The following RASA2 variants were observed in gnomAD, a reference collection of about 807,000 sequenced individuals.
The protein encoded by RASA2 is ras GTPase-activating protein 2.
Under a neutral mutation model 118.2 loss-of-function variants are expected in RASA2, and 155 were observed. The observed-to-expected ratio is 1.31, with a 90% CI of 1.15 to 1.50. The LOEUF is 1.50. Ranked by LOEUF, RASA2 falls within the 40% of genes most tolerant of loss-of-function variation. The pLI, the probability that RASA2 is intolerant of heterozygous loss-of-function variation, is 0.00. For missense variants in RASA2, 1,016 were observed against 1,009.6 expected (o/e 1.01, Z -0.09); for synonymous variants, 353 against 349.1 (o/e 1.01, Z -0.12).
chr3:141,603,853 G>GACTA (rs1321096083), intron 19 of RASA2, among the ~76,000 whole-genome samples: 1 of 152,242 alleles, frequency 6.6e-6, no homozygotes, highest in East Asian at 1.9e-4. Flanking sequence ...AGCCTTTTGT[G>GACTA]ACTAACATCT....
At chr3:141,499,016 T>C (rs2081741576) in intron 1 of RASA2, among the ~76,000 whole-genome samples, 1 of 152,204 alleles carries the variant, frequency 6.6e-6, no homozygotes, top group Non-Finnish European at 1.5e-5. Flanking sequence ...GCCCGCAACT[T>C]GGTGACGTAT....
chr3:141,553,924 C>G lies in RASA2; in HGVS notation c.595C>G (p.Leu199Val). Residue 199 changes from leucine to valine, a missense_variant, in exon 6 of 24, where the codon CTA (leucine) becomes GTA (valine). Physicochemically the swap from Leu to Val is conservative, Grantham distance 32. Coordinates refer to ENST00000286364, the MANE Select transcript of RASA2 (RefSeq NM_006506.5). ...CTGTGACCCTTATGCAACAGTTTCT[C>G]TAGTGGGCCCTTCTAGGTAATATTT... The part of the protein sequence containing the change: ...QSCDPYATVS[L>V]VGPSRNDQKK... The G allele has an allele frequency of 6.2e-7, 1 of 1,611,668 alleles. No individual in the cohort carries two copies. Among genetic ancestry groups the G allele is most frequent in the Non-Finnish European group, 8.5e-7 (1 of 1,178,658 alleles).
chr3:141,549,258 A>G (rs1256493979), intron 5 of RASA2, among the ~76,000 whole-genome samples: 1 of 152,006 alleles, frequency 6.6e-6, no homozygotes, highest in Non-Finnish European at 1.5e-5. Context: ...TCCTTCAGTT[A>G]TGCCTTCTTT....
At chr3:141,510,034 A>G (rs536518623) in intron 1 of RASA2, among the ~76,000 whole-genome samples, 1 of 152,258 alleles carries the variant, frequency 6.6e-6, no homozygotes, top group South Asian at 2.1e-4. Context: ...TCTTATTTCA[A>G]TTTTATAAAT....
At chr3:141,576,780 G>T (rs1288117038) in intron 14 of RASA2, among the ~76,000 whole-genome samples, 1 of 151,966 alleles carries the variant, frequency 6.6e-6, no homozygotes, top group Non-Finnish European at 1.5e-5. Context: ...TAGCAGCTTT[G>T]TCTTTTTTCA....
chr3:141,513,914 G>A (rs79590077), intron 2 of RASA2, among the ~76,000 whole-genome samples: 4,682 of 152,104 alleles, frequency 0.031, 238 homozygotes, highest in African/African-American at 0.1. Context: ...TCAGAGATTC[G>A]CGTCTTCATA....
chr3:141,553,619 G>A (rs1405229895), intron 5 of RASA2, among the ~76,000 whole-genome samples: 1 of 152,084 alleles, frequency 6.6e-6, no homozygotes, highest in Non-Finnish European at 1.5e-5. Context: ...TTTCATTAGT[G>A]ATTGTGGCAT....
chr3:141,571,648 T>C (rs2151129882), intron 11 of RASA2, 94 bp downstream of exon 11: 1 of 1,271,984 alleles, frequency 7.9e-7, no homozygotes, highest in African/African-American at 1.5e-5. Flanking sequence ...TTTTTTGTAT[T>C]GATCAGCCTT....
chr3:141,589,429 A>G (rs2107780124), intron 19 of RASA2, among the ~76,000 whole-genome samples: 1 of 152,304 alleles, frequency 6.6e-6, no homozygotes, highest in South Asian at 2.1e-4. Context: ...AGAAAACTGT[A>G]CCTACAAACA....
chr3:141,500,250 C>G (rs947272790), intron 1 of RASA2, among the ~76,000 whole-genome samples: 4 of 152,030 alleles, frequency 2.6e-5, no homozygotes, highest in Non-Finnish European at 4.4e-5. Context: ...TTTCTTCATA[C>G]CCTGCAGCAA....
chr3:141,573,176 C>A lies in RASA2; in HGVS notation c.1314C>A (p.Ile438=). The A allele has an allele frequency of 6.5e-7, 1 of 1,538,666 alleles. No homozygotes were observed. The highest frequency in any genetic ancestry group is 8.7e-7 in the Non-Finnish European group (1 of 1,152,580). ...EICDSSKSCE[I]DPIKLKEGDN... is the part of the protein sequence containing the mutation. Reference sequence around the variant, plus strand: ...GTGACTCCTCAAAATCCTGTGAAATCGATCCTATTAAATTGAAAGAGGGAG... The same window carrying A: ...GTGACTCCTCAAAATCCTGTGAAATAGATCCTATTAAATTGAAAGAGGGAG... The change falls in exon 13 of 24, where the codon ATC becomes ATA. Residue 438 remains isoleucine, a synonymous_variant. Coordinates refer to ENST00000286364, the MANE Select transcript of RASA2 (RefSeq NM_006506.5).
intron 9 of RASA2, among the ~76,000 whole-genome samples, chr3:141,561,216 T>G (rs1400741009): frequency 6.6e-6 from 1 of 152,124 alleles, no homozygotes; most frequent in Non-Finnish European, 1.5e-5. Flanking sequence ...CTGAGCTCAG[T>G]TTGTCAAGTT....
intron 4 of RASA2, among the ~76,000 whole-genome samples, chr3:141,534,111 T>G (rs566640380): frequency 6.6e-6 from 1 of 152,360 alleles, no homozygotes; most frequent in South Asian, 2.1e-4. Flanking sequence ...GTGCCTTCTA[T>G]AAATCCTCTT....
chr3:141,510,761 G>GA (rs1177732369), intron 1 of RASA2, among the ~76,000 whole-genome samples: 1 of 152,124 alleles, frequency 6.6e-6, no homozygotes, highest in Admixed American at 6.5e-5. Flanking sequence ...GTTGATGAAT[G>GA]AAAAAAACTA....
intron 7 of RASA2, among the ~76,000 whole-genome samples, chr3:141,556,586 T>C (rs2082653097): frequency 6.6e-6 from 1 of 152,192 alleles, no homozygotes; most frequent in Non-Finnish European, 1.5e-5. Context: ...GGAGTGCTTT[T>C]CTTTGGAGCA....
intron 3 of RASA2, among the ~76,000 whole-genome samples, chr3:141,526,425 C>A (rs180714817): frequency 5.5e-4 from 84 of 151,952 alleles, no homozygotes; most frequent in Admixed American, 2.0e-3. Flanking sequence ...TCTCATTTAT[C>A]CTTCCACCTT....
At chr3:141,591,811 C>T (rs2083289240) in intron 19 of RASA2, among the ~76,000 whole-genome samples, 1 of 150,332 alleles carries the variant, frequency 6.7e-6, no homozygotes, top group African/African-American at 2.5e-5. Flanking sequence ...ATATTTTAAA[C>T]ATAAATGTTC....
At chr3:141,531,431 T>A (rs1011403440) in intron 4 of RASA2, among the ~76,000 whole-genome samples, 17 of 151,784 alleles carry the variant, frequency 1.1e-4, no homozygotes, top group African/African-American at 4.1e-4. Context: ...TGTGTGTATA[T>A]ATATATGCAT....
intron 4 of RASA2, among the ~76,000 whole-genome samples, chr3:141,532,526 T>G (rs1292813316): frequency 6.6e-6 from 1 of 152,114 alleles, no homozygotes; most frequent in Non-Finnish European, 1.5e-5. Context: ...GAGGCTAGAT[T>G]CTTAGAACAA....
Sources: allele counts gnomAD v4.1 joint callset (sites outside exome capture counted in the v4.1 genomes callset), GRCh38; gene constraint gnomAD v4.1.1; transcripts MANE v1.5; gene names NCBI Gene and HGNC (gene_info 2026-07-23, HGNC 2026-07-21).